PRR12: variants seen among roughly 807,000 people sequenced by gnomAD.
PRR12 encodes proline-rich protein 12.
Under a neutral mutation model 138.0 loss-of-function variants are expected in PRR12, and 12 were observed. The ratio of observed to expected loss-of-function variants is 0.09; its 90% CI spans 0.06 to 0.14. The LOEUF is 0.14. PRR12 is among the 10% of genes least tolerant of loss of function. The pLI, the probability that PRR12 is intolerant of heterozygous loss-of-function variation, is 1.00. For synonymous variants in PRR12, 1,567 were observed against 1,291.7 expected (o/e 1.21, Z -4.57); for missense variants, 2,692 against 2,861.3 (o/e 0.94, Z 1.35).
chr19:49,595,805 C>A lies in PRR12; in HGVS notation c.1470C>A (p.Gly490=), dbSNP rs1473292167. ...CCCCCAGCGGCCCCCCTCCTCCTGG[C>A]CTGGCCACATGTCAGAGCTACTCCC... ...PQPPSGPPPP[G]LATCQSYSPD... is the part of the protein sequence containing the mutation. Residue 490 remains glycine (G), a synonymous_variant, in exon 4 of 14, where the codon GGC becomes GGA. Transcript: ENST00000418929. 6.3e-7 allele frequency: 1 copy of A among 1,598,458 alleles called. No individual in the cohort carries two copies. The highest frequency in any genetic ancestry group is 8.5e-7 in the Non-Finnish European group (1 of 1,175,204).
chr19:49,599,443 T>A lies in PRR12; in HGVS notation c.3850T>A (p.Ser1284Thr). The A allele has an allele frequency of 6.2e-7, 1 of 1,607,162 alleles. No homozygotes were observed. The highest frequency in any genetic ancestry group is 8.5e-7 in the Non-Finnish European group (1 of 1,177,294). The part of the protein sequence containing the change: ...QPEMKSGFMA[S>T]FLDFLKSGKR... ...GGAGATGAAGTCGGGTTTCATGGCC[T>A]CCTTCTTGGACTTCCTCAAGTCAGG... Residue 1284 changes from serine to threonine, a missense_variant, in exon 5 of 14, where the codon TCC becomes ACC. Transcript: ENST00000418929. The surrounding 1 kb of genome is among the most constrained non-coding windows in gnomAD (Gnocchi z 5.0).
intron 5 of PRR12, among the ~76,000 whole-genome samples, chr19:49,600,443 A>G: frequency 6.8e-6 from 1 of 147,826 alleles, no homozygotes; most frequent in African/African-American, 2.5e-5. Context: ...GGGAAATGAG[A>G]GGTGGGAGCT....
intron 11 of PRR12, chr19:49,621,884 T>C (rs983164901): frequency 9.9e-6 from 5 of 504,362 alleles, no homozygotes; most frequent in Admixed American, 9.6e-5. Flanking sequence ...GGAGAACAAG[T>C]GTGCAGCCAA....
Position 49,618,067 on chromosome 19 carries a change from C to T in PRR12, c.5497+1848C>T, listed in dbSNP as rs531537631. 5.3e-5 allele frequency among the ~76,000 whole-genome samples: 8 copies of T among 152,218 alleles called. No homozygotes were observed. The South Asian group carries it at 8.3e-4, about 16-fold the overall frequency. Reference sequence around the variant, plus strand: ...GAGCTGAGATTGCGCCATTGCATTCCAGCCTGGGCAACAGAGGGAAACTCG... The same window carrying T: ...GAGCTGAGATTGCGCCATTGCATTCTAGCCTGGGCAACAGAGGGAAACTCG... On this transcript the variant is annotated intron_variant, in intron 9 of 13. Coordinates refer to ENST00000418929, the MANE Select transcript of PRR12 (RefSeq NM_020719.3).
rs1194921115 is a variant in PRR12, at chr19:49,596,761, C to T, written c.2426C>T (p.Ala809Val). Residue 809 changes from alanine to valine, a missense_variant, in exon 4 of 14, where the codon GCC becomes GTC. By Grantham distance (64) the Ala-to-Val change is moderately conservative. This residue lies in a region of PRR12 where 840 missense variants were observed against 689.8 expected (regional missense o/e 1.22). Transcript: ENST00000418929. This position sits in a 1 kb window ranked among gnomAD's most constrained non-coding sequence, Gnocchi z 5.6. ...CTGCTCCCCTCGGTCCTCAGCCATG[C>T]CCCCAGTCCCTCTCCCAGCGCCTCC... The part of the protein sequence containing the change: ...PQLLPSVLSH[A>V]PSPSPSASKV... 6.2e-7 allele frequency: 1 copy of T among 1,603,824 alleles called. No individual in the cohort carries two copies. Among genetic ancestry groups the T allele is most frequent in the Admixed American group, 1.7e-5 (1 of 59,936 alleles).
chr19:49,619,174 C>A (rs145338261), intron 9 of PRR12, among the ~76,000 whole-genome samples: 191 of 151,114 alleles, frequency 1.3e-3, no homozygotes, highest in African/African-American at 4.0e-3. Context: ...TCACTCAAGG[C>A]TCAGCCTTTG....
At position 49,620,496 on chromosome 19, in the gene PRR12, AGGAGGGGG is replaced by A; in HGVS notation, c.5623+22_5623+29del. 6.8e-7 allele frequency: 1 copy of A among 1,469,558 alleles called. No homozygotes were observed. The highest frequency in any genetic ancestry group is 9.2e-7 in the Non-Finnish European group (1 of 1,084,412). The allele number at this position is 1,469,558 out of a possible 1,614,324, so 91.0% of individuals were successfully genotyped here. On this transcript the variant is annotated intron_variant, in intron 10 of 13. Transcript: ENST00000418929. ...ACGCATGGTGAGCTGAGGCCTGGGG[AGGAGGGGG>A]GGGGGCTGACTCGGTCTGAGGGAGC...
chr19:49,622,900 AAC>A (rs2080931165), intron 11 of PRR12, among the ~76,000 whole-genome samples: 2 of 119,834 alleles, frequency 1.7e-5, no homozygotes, highest in Admixed American at 8.3e-5. Context: ...TCAAAAAAAA[AAC>A]AAAAACATAT....
rs952557260 is a variant in PRR12 at position 49,596,395 on chromosome 19, C to G, written c.2060C>G (p.Pro687Arg). Residue 687 changes from proline (P) to arginine (R), a missense_variant, in exon 4 of 14, where the codon CCC becomes CGC. Transcript: ENST00000418929. This position sits in a 1 kb window ranked among gnomAD's most constrained non-coding sequence, Gnocchi z 5.6. ...SGGAGGPPGTPYELAKEDPQR... is the reference protein window; with the variant it reads ...SGGAGGPPGTRYELAKEDPQR... ...GGGGCCGGGGGACCACCGGGTACACCCTACGAGTTGGCCAAGGAAGACCCC... is the reference window on the plus strand; with the variant it reads ...GGGGCCGGGGGACCACCGGGTACACGCTACGAGTTGGCCAAGGAAGACCCC... The G allele has an allele frequency of 1.9e-6, 3 of 1,605,236 alleles. No individual in the cohort carries two copies. In the African/African-American group the frequency reaches 4.0e-5, roughly 21 times the overall value.
In PRR12 at chr19:49,625,214, A is replaced by G. The variant is rs1338365212; in HGVS notation, c.5964+14A>G. The G allele has an allele frequency of 7.5e-6, 12 of 1,608,596 alleles. No homozygotes were observed. The highest frequency in any genetic ancestry group is 1.3e-5 in the African/African-American group (1 of 74,762). On this transcript the variant is annotated intron_variant, in intron 13 of 13. Coordinates refer to ENST00000418929, the MANE Select transcript of PRR12 (RefSeq NM_020719.3). This position sits in a 1 kb window ranked among gnomAD's most constrained non-coding sequence, Gnocchi z 5.5. ...TGCCGGGACCAGGTGAGCCCCACCC[A>G]CAGCACCCATCGCCCTGGGATTCCA...
Position 49,595,062 on chromosome 19 carries a change from A to G in PRR12, c.727A>G (p.Thr243Ala). The change falls in exon 4 of 14, where the codon ACT (threonine) becomes GCT (alanine). Residue 243 changes from threonine (T) to alanine (A), a missense_variant. By Grantham distance (58) the Thr-to-Ala change is moderately conservative (BLOSUM62 0). Coordinates refer to ENST00000418929, the MANE Select transcript of PRR12 (RefSeq NM_020719.3). ...ACCACCACCTCCTCGCCACCTCCCAACTCAGTTCAACCTGCTGGCTTCCTC... is the reference window on the plus strand; with the variant it reads ...ACCACCACCTCCTCGCCACCTCCCAGCTCAGTTCAACCTGCTGGCTTCCTC... ...DPPPPPRHLP[T>A]QFNLLASSSA... 3.7e-6 allele frequency: 6 copies of G among 1,609,030 alleles called. No homozygotes were observed. Among genetic ancestry groups the G allele is most frequent in the South Asian group, 1.1e-5 (1 of 90,774 alleles).
At chr19:49,593,654 C>T (rs11671197) in intron 2 of PRR12, among the ~76,000 whole-genome samples, 2 of 152,214 alleles carry the variant, frequency 1.3e-5, no homozygotes, top group East Asian at 1.9e-4. Flanking sequence ...CCTCCCCTTT[C>T]GCTCCAATTG....
At chr19:49,617,150 T>A (rs1466886095) in intron 9 of PRR12, among the ~76,000 whole-genome samples, 4 of 149,676 alleles carry the variant, frequency 2.7e-5, no homozygotes, top group Non-Finnish European at 3.0e-5. Flanking sequence ...AAAAAAAGTC[T>A]GGTTAGTGAT....
intron 9 of PRR12, among the ~76,000 whole-genome samples, chr19:49,619,655 C>G (rs563569877): frequency 6.7e-6 from 1 of 149,368 alleles, no homozygotes; most frequent in African/African-American, 2.5e-5. Context: ...GATTCTCCTG[C>G]CTCAGCCTCC....
Position 49,595,455 on chromosome 19 carries a change from G to A in PRR12, c.1120G>A (p.Gly374Arg). 1.9e-6 allele frequency: 3 copies of A among 1,548,910 alleles called. No homozygotes were observed. Among genetic ancestry groups the A allele is most frequent in the Non-Finnish European group, 1.7e-6 (2 of 1,147,200 alleles). Residue 374 changes from glycine to arginine, a missense_variant, in exon 4 of 14, where the codon GGG (glycine) becomes AGG (arginine). Coordinates refer to ENST00000418929, the MANE Select transcript of PRR12 (RefSeq NM_020719.3). ...GPEAAGGGGA[G>R]GGGGGYRPII... Reference sequence around the variant, plus strand: ...TGAGGCAGCAGGGGGCGGTGGGGCTGGGGGTGGTGGTGGAGGTTACCGCCC... The same window carrying A: ...TGAGGCAGCAGGGGGCGGTGGGGCTAGGGGTGGTGGTGGAGGTTACCGCCC...
At chr19:49,624,226 G>T (rs998838618) in intron 11 of PRR12, among the ~76,000 whole-genome samples, 41 of 150,186 alleles carry the variant, frequency 2.7e-4, no homozygotes, top group Non-Finnish European at 7.4e-5. Flanking sequence ...TGAGAATTCT[G>T]GGGTAGGTGG....
Position 49,620,406 on chromosome 19 carries a change from G to A in PRR12, c.5552G>A (p.Arg1851Gln), listed in dbSNP as rs1241792983. Reference sequence around the variant, plus strand: ...ACCAGGGCGATGCGGGAGATGTACCGGAGCTACGTGGAGATGTTGGTGAGC... The same window carrying A: ...ACCAGGGCGATGCGGGAGATGTACCAGAGCTACGTGGAGATGTTGGTGAGC... ...LKTRAMREMY[R>Q]SYVEMLVSTA... The change falls in exon 10 of 14, where the codon CGG (arginine) becomes CAG (glutamine). Residue 1851 changes from arginine (R) to glutamine (Q), a missense_variant. Physicochemically the swap from Arg to Gln is conservative, Grantham distance 43 (BLOSUM62 1). Transcript: ENST00000418929. The A allele has an allele frequency of 3.1e-6, 5 of 1,608,886 alleles. No homozygotes were observed. Among genetic ancestry groups the A allele is most frequent in the East Asian group, 2.2e-5 (1 of 44,648 alleles).
intron 6 of PRR12, among the ~76,000 whole-genome samples, chr19:49,611,628 T>TAA (rs528800605): frequency 3.1e-5 from 3 of 96,452 alleles, no homozygotes; most frequent in African/African-American, 8.0e-5. Context: ...AAACTCTATC[T>TAA]AAAAAAAAAA....
chr19:49,602,275 C>T (rs1314871750), intron 6 of PRR12, among the ~76,000 whole-genome samples: 2 of 152,106 alleles, frequency 1.3e-5, no homozygotes, highest in Non-Finnish European at 2.9e-5. Flanking sequence ...GAGGCTCTGG[C>T]CCTAGGGAGC....
Sources: allele counts gnomAD v4.1 joint callset (sites outside exome capture counted in the v4.1 genomes callset), GRCh38; gene constraint gnomAD v4.1.1; regional missense constraint gnomAD v4.1.1; non-coding constraint Gnocchi (gnomAD v3.1); transcripts MANE v1.5; gene names NCBI Gene and HGNC (gene_info 2026-07-23, HGNC 2026-07-21).